The following TNFSF13 variants were observed in gnomAD, a reference collection of about 807,000 sequenced individuals.
The protein encoded by TNFSF13 is tumor necrosis factor ligand superfamily member 13.
In TNFSF13, 18 loss-of-function variants were observed where a neutral mutation model predicts 30.7. The observed-to-expected ratio is 0.59, with a 90% CI of 0.41 to 0.87. The LOEUF is 0.87. TNFSF13 is among the 40% of genes least tolerant of loss of function. TNFSF13 has a pLI of 0.00. For missense variants in TNFSF13, 286 were observed against 308.8 expected (o/e 0.93, Z 0.55); for synonymous variants, 116 against 123.2 (o/e 0.94, Z 0.39).
Position 7,561,035 on chromosome 17 carries a change from T to C in TNFSF13, c.*202T>C, listed in dbSNP as rs377760309. 21 of 1,614,012 alleles carry C rather than the reference T, an allele frequency of 1.3e-5. No individual in the cohort carries two copies. Among genetic ancestry groups the C allele is most frequent in the Non-Finnish European group, 1.8e-5 (21 of 1,179,978 alleles). On this transcript the variant is annotated 3_prime_UTR_variant, in exon 6 of 6. Transcript: ENST00000338784. This position sits in a 1 kb window ranked among gnomAD's most constrained non-coding sequence, Gnocchi z 4.4. ...ACGGATATCTTGCTTCTGTTCCCCATGGAGCTCCGAATTCTTGCGTGTGTG... is the reference window on the plus strand; with the variant it reads ...ACGGATATCTTGCTTCTGTTCCCCACGGAGCTCCGAATTCTTGCGTGTGTG...
chr17:7,560,566 A>C, intron 5 of TNFSF13, 78 bp downstream of exon 5: 1 of 1,610,532 alleles, frequency 6.2e-7, no homozygotes, highest in Admixed American at 1.7e-5. Context: ...GCTAGGAGGG[A>C]GGTTGGAAAC....
chr17:7,559,666 C>T lies in TNFSF13; in HGVS notation c.301C>T (p.Arg101Trp). Residue 101 changes from arginine (R) to tryptophan (W), a missense_variant, in exon 2 of 6, where the codon CGG becomes TGG. Transcript: ENST00000338784. This position sits in a 1 kb window ranked among gnomAD's most constrained non-coding sequence, Gnocchi z 5.4. ...LEAWENGERS[R>W]KRRAVLTQKQ... ...AGCCTGGGAGAATGGGGAGAGATCCCGGAAAAGGAGAGCAGTGCTCACCCA... is the reference window on the plus strand; with the variant it reads ...AGCCTGGGAGAATGGGGAGAGATCCTGGAAAAGGAGAGCAGTGCTCACCCA... The T allele has an allele frequency of 1.9e-6, 3 of 1,613,524 alleles. No homozygotes were observed. Among genetic ancestry groups the T allele is most frequent in the East Asian group, 2.2e-5 (1 of 44,850 alleles).
Position 7,561,088 on chromosome 17 carries a change from G to T in TNFSF13, c.*255G>T. On this transcript the variant is annotated 3_prime_UTR_variant, in exon 6 of 6. Coordinates refer to ENST00000338784, the MANE Select transcript of TNFSF13 (RefSeq NM_003808.4). The surrounding 1 kb of genome is among the most constrained non-coding windows in gnomAD (Gnocchi z 4.4). Reference sequence around the variant, plus strand: ...GATGAGGGGCGGGGGACGGGCGCCAGGCATTGTCCAGACCTGGTCGGGGCC... The same window carrying T: ...GATGAGGGGCGGGGGACGGGCGCCATGCATTGTCCAGACCTGGTCGGGGCC... 1 of 1,592,898 alleles carries T rather than the reference G, an allele frequency of 6.3e-7. No homozygotes were observed. Among genetic ancestry groups the T allele is most frequent in the East Asian group, 2.3e-5 (1 of 44,254 alleles).
rs199590994 is a variant in TNFSF13, at chr17:7,560,493, G to A, written c.643+5G>A. 248 of 1,614,158 alleles carry A rather than the reference G, an allele frequency of 1.5e-4. No homozygotes were observed. The African/African-American group carries it at 3.0e-3, about 20-fold the overall frequency. ...ACAACAGCTGCTATAGCGCAGGTGA[G>A]AGCCGTGTGGGCAGCCGAAAGCAGG... On this transcript the variant is annotated splice_donor_5th_base_variant and intron_variant, in intron 5 of 5. Coordinates refer to ENST00000338784, the MANE Select transcript of TNFSF13 (RefSeq NM_003808.4).
rs1212398659 is a variant in TNFSF13, at chr17:7,559,245, G to A, written c.206G>A (p.Gly69Glu). 3.7e-6 allele frequency: 6 copies of A among 1,610,036 alleles called. No individual in the cohort carries two copies. Among genetic ancestry groups the A allele is most frequent in the Non-Finnish European group, 5.1e-6 (6 of 1,179,190 alleles). Reference sequence around the variant, plus strand: ...GAGGTGAGCCGGCTGCAGGGGACAGGAGGCCCCTCCCAGAATGGGGAAGGG... The same window carrying A: ...GAGGTGAGCCGGCTGCAGGGGACAGAAGGCCCCTCCCAGAATGGGGAAGGG... ...RREVSRLQGT[G>E]GPSQNGEGYP... Residue 69 changes from glycine (G) to glutamate (E), a missense_variant, in exon 1 of 6, where the codon GGA becomes GAA. Transcript: ENST00000338784. This position sits in a 1 kb window ranked among gnomAD's most constrained non-coding sequence, Gnocchi z 5.4.
chr17:7,560,747 G>T lies in TNFSF13; in HGVS notation c.667G>T (p.Asp223Tyr), dbSNP rs1033943600. Reference protein sequence around the residue: ...SAGVFHLHQGDILSVIIPRAR... With the variant: ...SAGVFHLHQGYILSVIIPRAR... Reference sequence around the variant, plus strand: ...AGGTGTCTTCCATTTACACCAAGGGGATATTCTGAGTGTCATAATTCCCCG... The same window carrying T: ...AGGTGTCTTCCATTTACACCAAGGGTATATTCTGAGTGTCATAATTCCCCG... The change falls in exon 6 of 6, where the codon GAT becomes TAT. Residue 223 changes from aspartate to tyrosine, a missense_variant. Coordinates refer to ENST00000338784, the MANE Select transcript of TNFSF13 (RefSeq NM_003808.4). 6.2e-7 allele frequency: 1 copy of T among 1,614,054 alleles called. No homozygotes were observed. Among genetic ancestry groups the T allele is most frequent in the Non-Finnish European group, 8.5e-7 (1 of 1,180,038 alleles).
In TNFSF13 at chr17:7,559,176, T is replaced by A. The variant is rs1353928093; in HGVS notation, c.137T>A (p.Met46Lys). The A allele has an allele frequency of 6.2e-7, 1 of 1,612,692 alleles. No homozygotes were observed. Residue 46 changes from methionine (M) to lysine (K), a missense_variant, in exon 1 of 6, where the codon ATG (methionine) becomes AAG (lysine). Coordinates refer to ENST00000338784, the MANE Select transcript of TNFSF13 (RefSeq NM_003808.4). This position sits in a 1 kb window ranked among gnomAD's most constrained non-coding sequence, Gnocchi z 5.4. The part of the protein sequence containing the change: ...GAALGAVACA[M>K]ALLTQQTELQ... Reference sequence around the variant, plus strand: ...GCTCTGGGGGCCGTGGCTTGTGCCATGGCTCTGCTGACCCAACAAACAGAG... The same window carrying A: ...GCTCTGGGGGCCGTGGCTTGTGCCAAGGCTCTGCTGACCCAACAAACAGAG...
In TNFSF13 at chr17:7,558,959, A is replaced by G. The variant is rs2071118357; in HGVS notation, c.-81A>G. On this transcript the variant is annotated 5_prime_UTR_variant, in exon 1 of 6. Coordinates refer to ENST00000338784, the MANE Select transcript of TNFSF13 (RefSeq NM_003808.4). The surrounding 1 kb of genome is among the most constrained non-coding windows in gnomAD (Gnocchi z 4.3). ...TAACAACCTTCTTCCCTTCTGCACC[A>G]CTGCCCGTACCCTTACCCGCCCCGC... The G allele has an allele frequency of 5.6e-6, 8 of 1,425,336 alleles. No homozygotes were observed. The highest frequency in any genetic ancestry group is 7.4e-6 in the Non-Finnish European group (8 of 1,076,592). 88.3% of individuals were successfully genotyped at this position (1,425,336 alleles called of 1,614,324 possible).
At chr17:7,558,669 T>C (rs1454184654), upstream of TNFSF13, 1 of 160,616 alleles carries the variant, frequency 6.2e-6, no homozygotes, top group Non-Finnish European at 1.4e-5. This position sits in a 1 kb window ranked among gnomAD's most constrained non-coding sequence, Gnocchi z 4.3. Context: ...CCTGGCACAA[T>C]GCCCTCTAGC....
At position 7,560,373 on chromosome 17, in the gene TNFSF13, C is replaced by T. The variant is rs1278940321; in HGVS notation, c.528C>T (p.Phe176=). The T allele has an allele frequency of 6.2e-7, 1 of 1,614,194 alleles. No individual in the cohort carries two copies. The highest frequency in any genetic ancestry group is 8.5e-7 in the Non-Finnish European group (1 of 1,180,036). The change falls in exon 5 of 6, where the codon TTC becomes TTT. Residue 176 remains phenylalanine, a synonymous_variant. Transcript: ENST00000338784. ...YSQVLFQDVT[F]TMGQVVSREG... ...AGGTCCTGTTTCAAGACGTGACTTT[C>T]ACCATGGGTCAGGTGGTGTCTCGAG...
Position 7,559,386 on chromosome 17 carries a change from A to G in TNFSF13, c.258+89A>G. The G allele has an allele frequency of 6.8e-7, 1 of 1,468,728 alleles. No individual in the cohort carries two copies. Among genetic ancestry groups the G allele is most frequent in the African/African-American group, 1.4e-5 (1 of 70,626 alleles). The allele number at this position is 1,468,728 out of a possible 1,614,324, so 91.0% of individuals were successfully genotyped here. On this transcript the variant is annotated intron_variant, in intron 1 of 5. Coordinates refer to ENST00000338784, the MANE Select transcript of TNFSF13 (RefSeq NM_003808.4). The surrounding 1 kb of genome is among the most constrained non-coding windows in gnomAD (Gnocchi z 5.4). ...GGTCTGCAAAGTTTCAAGGGGGTGC[A>G]AGAGAGGGTCTCCGGTTTGGAAGTC...
At chr17:7,560,518 G>T (rs1284006883) in intron 5 of TNFSF13, 30 bp downstream of exon 5, 8 of 1,613,666 alleles carry the variant, frequency 5.0e-6, no homozygotes, top group Non-Finnish European at 6.8e-6. Context: ...CCGAAAGCAG[G>T]ACGTCTCTGA....
rs932084527 is a variant in TNFSF13 at position 7,558,756 on chromosome 17, G to A, written c.-284G>A. 1 of 262,348 alleles carries A rather than the reference G, an allele frequency of 3.8e-6. No homozygotes were observed. Among genetic ancestry groups the A allele is most frequent in the African/African-American group, 2.2e-5 (1 of 45,158 alleles). 16.3% of individuals were successfully genotyped at this position (262,348 alleles called of 1,614,324 possible). On this transcript the variant is annotated 5_prime_UTR_variant, in exon 1 of 6. Transcript: ENST00000338784. This position sits in a 1 kb window ranked among gnomAD's most constrained non-coding sequence, Gnocchi z 4.3. ...CTGCCTGTTCCTCCTGGGTGTCACT[G>A]GCAGCCCTGTCCTTCCTAGAGGGAC...
At position 7,561,109 on chromosome 17, in the gene TNFSF13, G is replaced by A. The variant is rs560472570; in HGVS notation, c.*276G>A. On this transcript the variant is annotated 3_prime_UTR_variant, in exon 6 of 6. Coordinates refer to ENST00000338784, the MANE Select transcript of TNFSF13 (RefSeq NM_003808.4). This position sits in a 1 kb window ranked among gnomAD's most constrained non-coding sequence, Gnocchi z 4.4. ...GCCAGGCATTGTCCAGACCTGGTCGGGGCCCACTGGAAGCATCCAGAACAG... is the reference window on the plus strand; with the variant it reads ...GCCAGGCATTGTCCAGACCTGGTCGAGGCCCACTGGAAGCATCCAGAACAG... 2.4e-5 allele frequency: 38 copies of A among 1,568,606 alleles called. No individual in the cohort carries two copies. The highest frequency in any genetic ancestry group is 1.4e-4 in the Admixed American group (8 of 59,140).
Position 7,560,456 on chromosome 17 carries a change from C to G in TNFSF13, c.611C>G (p.Pro204Arg), listed in dbSNP as rs139748549. 1 of 1,614,044 alleles carries G rather than the reference C, an allele frequency of 6.2e-7. No homozygotes were observed. Among genetic ancestry groups the G allele is most frequent in the African/African-American group, 1.3e-5 (1 of 74,928 alleles). Residue 204 changes from proline (P) to arginine (R), a missense_variant, in exon 5 of 6, where the codon CCG becomes CGG. By Grantham distance (103) the Pro-to-Arg change is moderately radical. Transcript: ENST00000338784. The stretch of plus-strand genomic sequence containing the variant: ...TGTATAAGAAGTATGCCCTCCCACC[C>G]GGACCGGGCCTACAACAGCTGCTAT... Reference protein sequence around the residue: ...FRCIRSMPSHPDRAYNSCYSA... With the variant: ...FRCIRSMPSHRDRAYNSCYSA...
Position 7,560,404 on chromosome 17 carries a change from C to T in TNFSF13, c.559C>T (p.Gln187Ter). ...GGGTCAGGTGGTGTCTCGAGAAGGC[C>T]AAGGAAGGCAGGAGACTCTATTCCG... ...TMGQVVSREG[Q>*]GRQETLFRCI... The change falls in exon 5 of 6, where the codon CAA (glutamine) becomes TAA (stop). Residue 187 changes from glutamine to a stop codon, truncating the protein, a stop_gained. Transcript: ENST00000338784. LOFTEE classifies it high-confidence loss of function. 1 of 1,614,212 alleles carries T rather than the reference C, an allele frequency of 6.2e-7. No homozygotes were observed. The highest frequency in any genetic ancestry group is 8.5e-7 in the Non-Finnish European group (1 of 1,180,042).
chr17:7,559,619 A>G lies in TNFSF13; in HGVS notation c.259-5A>G, dbSNP rs1166200969. ...ACCTAACCTTGACCCTCTTTCCATG[A>G]GCAGAGTTCCGATGCCCTGGAAGCC... On this transcript the variant is annotated splice_region_variant and splice_polypyrimidine_tract_variant and intron_variant, in intron 1 of 5. Coordinates refer to ENST00000338784, the MANE Select transcript of TNFSF13 (RefSeq NM_003808.4). The surrounding 1 kb of genome is among the most constrained non-coding windows in gnomAD (Gnocchi z 5.4). 6.2e-7 allele frequency: 1 copy of G among 1,613,058 alleles called. No homozygotes were observed. The highest frequency in any genetic ancestry group is 8.5e-7 in the Non-Finnish European group (1 of 1,179,750).
rs2071148950 is a variant in TNFSF13, at chr17:7,559,824, G to A, written c.338-22G>A. The A allele has an allele frequency of 3.7e-6, 6 of 1,614,090 alleles. No homozygotes were observed. Among genetic ancestry groups the A allele is most frequent in the Non-Finnish European group, 4.2e-6 (5 of 1,180,010 alleles). ...AACGGGGGAAAGTGGATGCGGCTGA[G>A]ATTCCCTCCTTCTCTCCTCAGAGCA... is the stretch of plus-strand genomic sequence containing the variant. On this transcript the variant is annotated intron_variant, in intron 2 of 5. Transcript: ENST00000338784. This position sits in a 1 kb window ranked among gnomAD's most constrained non-coding sequence, Gnocchi z 5.4.
At position 7,559,329 on chromosome 17, in the gene TNFSF13, GATGGTTAGC is replaced by G; in HGVS notation, c.258+37_258+45del. 6.4e-7 allele frequency: 1 copy of G among 1,561,280 alleles called. No homozygotes were observed. Among genetic ancestry groups the G allele is most frequent in the Non-Finnish European group, 8.7e-7 (1 of 1,150,906 alleles). On this transcript the variant is annotated intron_variant, in intron 1 of 5. Transcript: ENST00000338784. This position sits in a 1 kb window ranked among gnomAD's most constrained non-coding sequence, Gnocchi z 5.4. Reference sequence around the variant, plus strand: ...GAGGGGAGGAGGGTGTCTGGGAGAGGATGGTTAGCATGGGGGGTCTCTGGGCCTCCTGGT... The same window carrying G: ...GAGGGGAGGAGGGTGTCTGGGAGAGGATGGGGGGTCTCTGGGCCTCCTGGT...
Sources: gnomAD v4.1 joint callset for allele counts on GRCh38, gnomAD v4.1.1 for gene constraint, Gnocchi (gnomAD v3.1) non-coding constraint, MANE v1.5 for transcripts, NCBI Gene and HGNC (gene_info 2026-07-23, HGNC 2026-07-21) for gene names.